Variants in ZBTB32 observed in about 807,000 individuals in gnomAD.
The protein encoded by ZBTB32 is zinc finger and BTB domain containing 32, also known as zinc finger and BTB domain-containing protein 32.
In ZBTB32, 28 loss-of-function variants were observed where a neutral mutation model predicts 45.3. That is an observed-to-expected ratio of 0.62 (90% CI 0.46 to 0.85). The LOEUF (loss-of-function observed/expected upper bound fraction) is 0.85, where lower values mean the gene tolerates loss of function less well. Among genes scored for constraint, ZBTB32 ranks in the 40% least tolerant of loss-of-function variants. ZBTB32 has a pLI of 0.00. For missense variants in ZBTB32, 587 were observed against 624.4 expected, an observed-to-expected ratio of 0.94 and a Z score of 0.64; for synonymous variants, 283 against 255.7, an observed-to-expected ratio of 1.11 and a Z score of -1.02.
At position 35,716,615 on chromosome 19, in the gene ZBTB32, A is replaced by G. The variant is rs1208778030; in HGVS notation, c.1327A>G (p.Met443Val). 1 of 1,613,492 alleles carries G rather than the reference A, an allele frequency of 6.2e-7. No homozygotes were observed. Among genetic ancestry groups the G allele is most frequent in the Admixed American group, 1.7e-5 (1 of 60,034 alleles). ...CGAGCPSLAS[M>V]QAHMRGHSPS... ...GGCCGGCTGTCCCAGCCTGGCCTCC[A>G]TGCAGGCGCACATGCGCGGTCACTC... Residue 443 changes from methionine (M) to valine (V), a missense_variant, in exon 7 of 7, where the codon ATG (methionine) becomes GTG (valine). Transcript: ENST00000392197.
Position 35,707,369 on chromosome 19 carries a change from C to CTTT in ZBTB32, c.-222+2761_-222+2763dup, listed in dbSNP as rs35043509. Among the ~76,000 whole-genome samples, 55 of 119,640 alleles carry CTTT rather than the reference C, an allele frequency of 4.6e-4. 1 individual carries two copies. Among genetic ancestry groups the CTTT allele is most frequent in the African/African-American group, 1.2e-3 (38 of 31,054 alleles). 78.5% of individuals were successfully genotyped at this position (119,640 alleles called of 152,430 possible). A position where few individuals can be genotyped will look rare whatever the true frequency, so the allele number is the denominator to read the frequency against. On this transcript the variant is annotated intron_variant, in intron 1 of 6. Transcript: ENST00000392197. ...AAGTGGTATAAGTGTCTACCATTTT[C>CTTT]TTTTTTTTTTTTTTTTTCGAGATGG...
Position 35,715,418 on chromosome 19 carries a change from C to T in ZBTB32, c.792C>T (p.Ser264=). 2 of 1,606,622 alleles carry T rather than the reference C, an allele frequency of 1.2e-6. No individual in the cohort carries two copies. Among genetic ancestry groups the T allele is most frequent in the Admixed American group, 1.7e-5 (1 of 58,022 alleles). Reference sequence around the variant, plus strand: ...TGGGGGGCCAGCCTGCCCTGTGGAGCATCCTGCTGATGCCGCCCAGATATG... The same window carrying T: ...TGGGGGGCCAGCCTGCCCTGTGGAGTATCCTGCTGATGCCGCCCAGATATG... ...WLVGGQPALW[S]ILLMPPRYGI... is the part of the protein sequence containing the mutation. The change falls in exon 3 of 7, where the codon AGC becomes AGT. Residue 264 remains serine, a synonymous_variant. Transcript: ENST00000392197.
rs114237808 is a variant in ZBTB32 at position 35,708,372 on chromosome 19, G to A, written c.-222+3749G>A. Reference sequence around the variant, plus strand: ...AAGTGAGGTGGGAGCTCACAGTTCCGGGTAGGCACTTTCTAGATGCCTTTT... The same window carrying A: ...AAGTGAGGTGGGAGCTCACAGTTCCAGGTAGGCACTTTCTAGATGCCTTTT... On this transcript the variant is annotated intron_variant, in intron 1 of 6. Transcript: ENST00000392197. 4.0e-3 allele frequency among the ~76,000 whole-genome samples: 611 copies of A among 152,274 alleles called. 4 individuals carry two copies. Among genetic ancestry groups the A allele is most frequent in the African/African-American group, 0.014 (595 of 41,540 alleles).
chr19:35,711,976 G>C (rs1439505672), intron 1 of ZBTB32, among the ~76,000 whole-genome samples: 2 of 128,364 alleles, frequency 1.6e-5, no homozygotes, highest in Non-Finnish European at 3.1e-5. Context: ...AGTGAGCTGA[G>C]ATTGCGCCAC....
chr19:35,710,464 G>A (rs892023199), intron 1 of ZBTB32, among the ~76,000 whole-genome samples: 1 of 151,890 alleles, frequency 6.6e-6, no homozygotes, highest in Non-Finnish European at 1.5e-5. Context: ...TCTAGGGAGG[G>A]GGAGTACTTT....
At chr19:35,711,211 G>A (rs1351846801) in intron 1 of ZBTB32, among the ~76,000 whole-genome samples, 1 of 152,178 alleles carries the variant, frequency 6.6e-6, no homozygotes, top group Non-Finnish European at 1.5e-5. Context: ...CACTCAGAGG[G>A]GTGACCATGT....
At chr19:35,710,287 C>G (rs549483038) in intron 1 of ZBTB32, among the ~76,000 whole-genome samples, 1 of 152,220 alleles carries the variant, frequency 6.6e-6, no homozygotes, top group Non-Finnish European at 1.5e-5. Flanking sequence ...TCACATACTC[C>G]CCTTCCAATC....
intron 1 of ZBTB32, among the ~76,000 whole-genome samples, chr19:35,709,442 A>T (rs1037291983): frequency 6.6e-6 from 1 of 152,198 alleles, no homozygotes; most frequent in Non-Finnish European, 1.5e-5. Flanking sequence ...TGACATTGTT[A>T]CATCAAGCTG....
intron 1 of ZBTB32, among the ~76,000 whole-genome samples, chr19:35,707,746 C>G (rs1968583745): frequency 6.6e-6 from 1 of 152,090 alleles, no homozygotes; most frequent in African/African-American, 2.4e-5. Flanking sequence ...CTCTGGGAGG[C>G]TGAGGCGGGT....
In ZBTB32 at chr19:35,715,272, AG is replaced by A; in HGVS notation, c.649del (p.Glu217LysfsTer51). 1 of 1,585,652 alleles carries A rather than the reference AG, an allele frequency of 6.3e-7. No homozygotes were observed. The highest frequency in any genetic ancestry group is 8.6e-7 in the Non-Finnish European group (1 of 1,167,814). ...GAAGCATGGAGTGCTCACGTGGTTGAGGGAAAATCCAGGGGGCTCTGAGGAA... is the reference window on the plus strand; with the variant it reads ...GAAGCATGGAGTGCTCACGTGGTTGAGGAAAATCCAGGGGGCTCTGAGGAA... ...DGKHGVLTWLRENPGGSEESL... is the reference protein window; with the variant it reads ...DGKHGVLTWLXENPGGSEESL... On this transcript the variant is annotated frameshift_variant, in exon 3 of 7. Coordinates refer to ENST00000392197, the MANE Select transcript of ZBTB32 (RefSeq NM_014383.3). LOFTEE classifies it high-confidence loss of function.
intron 1 of ZBTB32, among the ~76,000 whole-genome samples, chr19:35,707,870 T>C (rs1165354476): frequency 6.6e-6 from 1 of 152,052 alleles, no homozygotes; most frequent in Non-Finnish European, 1.5e-5. Flanking sequence ...TAGTCCCAGC[T>C]ACTCAGGAGG....
In ZBTB32 at chr19:35,716,734, T is replaced by C. The variant is rs1377157040; in HGVS notation, c.1446T>C (p.Pro482=). The C allele has an allele frequency of 5.0e-6, 8 of 1,606,786 alleles. No homozygotes were observed. The change falls in exon 7 of 7, where the codon CCT becomes CCC. Residue 482 remains proline, a synonymous_variant. Coordinates refer to ENST00000392197, the MANE Select transcript of ZBTB32 (RefSeq NM_014383.3). ...PSRPSTSPCC[P]SSSTT is the part of the protein sequence containing the mutation. ...GGCCCTCGACCTCTCCCTGTTGTCC[T>C]TCTTCCTCCACCACCTGACGGGGTG...
intron 1 of ZBTB32, among the ~76,000 whole-genome samples, chr19:35,707,629 A>G (rs1968580427): frequency 6.6e-6 from 1 of 151,790 alleles, no homozygotes; most frequent in South Asian, 2.1e-4. Context: ...CGGCCTCCCA[A>G]AGTGCTGGGA....
intron 1 of ZBTB32, 95 bp downstream of exon 1, chr19:35,704,718 A>T (rs991846201): frequency 6.6e-6 from 1 of 152,292 alleles, no homozygotes. Flanking sequence ...CTCGTTGATG[A>T]TTGGGAAGTG....
Position 35,714,524 on chromosome 19 carries a change from C to A in ZBTB32, c.-103C>A. On this transcript the variant is annotated splice_region_variant and 5_prime_UTR_variant, in exon 3 of 7. Transcript: ENST00000392197. ...CACCCTCTCCCCTCACATCCACAGG[C>A]TTGAAATGAGATGAGATGTTCCTCC... The A allele has an allele frequency of 7.6e-7, 1 of 1,307,616 alleles. No homozygotes were observed. The highest frequency in any genetic ancestry group is 1.8e-5 in the South Asian group (1 of 54,820). The allele number at this position is 1,307,616 out of a possible 1,614,324, so 81.0% of individuals were successfully genotyped here.
intron 1 of ZBTB32, among the ~76,000 whole-genome samples, chr19:35,707,559 G>A (rs1479937073): frequency 6.6e-6 from 1 of 151,752 alleles, no homozygotes; most frequent in East Asian, 2.0e-4. Flanking sequence ...TAGTAGAGAC[G>A]GCATTTCACC....
chr19:35,715,586 G>A lies in ZBTB32; in HGVS notation c.881+79G>A, dbSNP rs543564357. 660 of 1,493,478 alleles carry A rather than the reference G, an allele frequency of 4.4e-4. 10 individuals carry two copies. In the African/African-American group the frequency reaches 8.4e-3, roughly 19 times the overall value. 92.5% of individuals were successfully genotyped at this position (1,493,478 alleles called of 1,614,324 possible). On this transcript the variant is annotated intron_variant, in intron 3 of 6. Transcript: ENST00000392197. ...AGGGGCAGCCCTGCTGGGTGGAAGG[G>A]CACTGCATCTCTACTGCACAGTTCC... is the stretch of plus-strand genomic sequence containing the variant.
At chr19:35,705,877 C>CTCCA (rs1439777835) in intron 1 of ZBTB32, among the ~76,000 whole-genome samples, 3 of 147,688 alleles carry the variant, frequency 2.0e-5, no homozygotes, top group Non-Finnish European at 3.0e-5. Flanking sequence ...CACCACTGCA[C>CTCCA]TCCAGCCTGG....
chr19:35,715,331 A>G lies in ZBTB32; in HGVS notation c.705A>G (p.Pro235=). Residue 235 remains proline, a synonymous_variant, in exon 3 of 7, where the codon CCA becomes CCG. Transcript: ENST00000392197. The stretch of plus-strand genomic sequence containing the variant: ...GCAAGCTCCCTGGCCCCCTTCCCCC[A>G]GCAGGCTCCCTGCAAACCAGCGTCA... The part of the protein sequence containing the change: ...SLRKLPGPLP[P]AGSLQTSVTP... The G allele has an allele frequency of 6.3e-7, 1 of 1,599,890 alleles. No homozygotes were observed. The highest frequency in any genetic ancestry group is 2.2e-5 in the East Asian group (1 of 44,794).
Sources: gnomAD v4.1 joint callset for allele counts (sites outside exome capture counted in the v4.1 genomes callset) on GRCh38, gnomAD v4.1.1 for gene constraint, MANE v1.5 for transcripts, NCBI Gene and HGNC (gene_info 2026-07-23, HGNC 2026-07-21) for gene names.